Variants in ULK4 observed in about 807,000 individuals in gnomAD.
ULK4 encodes unc-51 like kinase 4.
A neutral mutation model predicts 160.6 loss-of-function variants in ULK4; 133 were observed. The ratio of observed to expected loss-of-function variants is 0.83; its 90% CI spans 0.72 to 0.96. ULK4 has a LOEUF of 0.96. Among genes scored for constraint, ULK4 ranks in the 40% least tolerant of loss-of-function variants. The probability of loss-of-function intolerance (pLI) is 0.00; values close to 1 mark genes in which losing one functional copy is unlikely to be tolerated. For missense variants in ULK4, 1,580 were observed against 1,499.5 expected (o/e 1.05, Z -0.89); for synonymous variants, 534 against 539.8 (o/e 0.99, Z 0.15).
intron 2 of ULK4, among the ~76,000 whole-genome samples, chr3:41,938,413 C>T (rs1291940007): frequency 6.6e-6 from 1 of 152,128 alleles, no homozygotes; most frequent in Non-Finnish European, 1.5e-5. Flanking sequence ...CAAGATGGCT[C>T]ACACCTGTAA....
chr3:41,848,799 C>A (rs1305674444), intron 17 of ULK4, among the ~76,000 whole-genome samples: 1 of 152,180 alleles, frequency 6.6e-6, no homozygotes, highest in African/African-American at 2.4e-5. Flanking sequence ...TGACCTTGTT[C>A]ATTTTCCTCT....
At chr3:41,762,802 A>G (rs2039032672) in intron 21 of ULK4, among the ~76,000 whole-genome samples, 1 of 151,746 alleles carries the variant, frequency 6.6e-6, no homozygotes, top group African/African-American at 2.4e-5. Context: ...AGCTGGGACT[A>G]CAGGTGCCCA....
intron 34 of ULK4, among the ~76,000 whole-genome samples, chr3:41,436,204 A>G (rs1575556088): frequency 1.3e-5 from 2 of 152,170 alleles, no homozygotes; most frequent in Non-Finnish European, 2.9e-5. Context: ...ACTAATGGCT[A>G]ATGTAAGTGT....
intron 33 of ULK4, among the ~76,000 whole-genome samples, chr3:41,456,931 T>C (rs2083568489): frequency 6.6e-6 from 1 of 152,210 alleles, no homozygotes; most frequent in Non-Finnish European, 1.5e-5. Context: ...ACACCTGTTT[T>C]TAACAACTTG....
chr3:41,826,128 C>T (rs1027320120), intron 18 of ULK4, among the ~76,000 whole-genome samples: 13 of 152,070 alleles, frequency 8.5e-5, no homozygotes, highest in African/African-American at 2.4e-4. Context: ...TTGACACCAC[C>T]AGGCCTGCCC....
At chr3:41,549,940 C>T (rs1313341108) in intron 32 of ULK4, among the ~76,000 whole-genome samples, 1 of 151,968 alleles carries the variant, frequency 6.6e-6, no homozygotes, top group Non-Finnish European at 1.5e-5. Context: ...ACCCTGTGAG[C>T]TAAGAACACT....
intron 31 of ULK4, among the ~76,000 whole-genome samples, chr3:41,588,257 A>G (rs945861408): frequency 2.6e-5 from 4 of 152,324 alleles, no homozygotes; most frequent in African/African-American, 9.6e-5. Context: ...CATTTAATAC[A>G]TGATCCTCTG....
intron 34 of ULK4, among the ~76,000 whole-genome samples, chr3:41,410,254 A>G (rs1216426371): frequency 2.0e-5 from 3 of 152,360 alleles, no homozygotes; most frequent in East Asian, 3.9e-4. Context: ...TATTCATAAT[A>G]GCCAAAAAGT....
At chr3:41,572,929 GAA>G (rs2088052958) in intron 31 of ULK4, among the ~76,000 whole-genome samples, 1 of 152,082 alleles carries the variant, frequency 6.6e-6, no homozygotes, top group South Asian at 2.1e-4. Flanking sequence ...GGCTGATGGG[GAA>G]AAGAGGAAAC....
intron 32 of ULK4, among the ~76,000 whole-genome samples, chr3:41,510,913 G>A (rs1410542601): frequency 6.6e-6 from 1 of 152,118 alleles, no homozygotes; most frequent in Admixed American, 6.5e-5. Context: ...TGTAATCCCT[G>A]CACTTTTGGG....
intron 32 of ULK4, among the ~76,000 whole-genome samples, chr3:41,546,026 T>C (rs1207160227): frequency 6.6e-6 from 1 of 152,194 alleles, no homozygotes; most frequent in Admixed American, 6.5e-5. Context: ...TTTGAATATA[T>C]TTGTAATAGT....
At chr3:41,644,084 G>T (rs1303407827) in intron 30 of ULK4, among the ~76,000 whole-genome samples, 4 of 152,314 alleles carry the variant, frequency 2.6e-5, no homozygotes, top group East Asian at 1.9e-4. Flanking sequence ...AGCTTAAGGA[G>T]ATTTTGGGCT....
chr3:41,401,005 T>C (rs992953151), intron 34 of ULK4, among the ~76,000 whole-genome samples: 4 of 152,194 alleles, frequency 2.6e-5, no homozygotes, highest in Admixed American at 2.6e-4. Context: ...TCTTTATTCT[T>C]GATATTTGAA....
chr3:41,387,229 T>C (rs905267567), intron 35 of ULK4, among the ~76,000 whole-genome samples: 4 of 152,188 alleles, frequency 2.6e-5, no homozygotes, highest in African/African-American at 9.6e-5. Flanking sequence ...TTTCTTTGTG[T>C]TGAAAATGTT....
chr3:41,391,289 T>C (rs1575503768), intron 35 of ULK4, among the ~76,000 whole-genome samples: 1 of 152,190 alleles, frequency 6.6e-6, no homozygotes, highest in East Asian at 1.9e-4. Flanking sequence ...TCTCATGGTT[T>C]TAGGAAATCT....
chr3:41,538,728 AATT>A (rs2086595604), intron 32 of ULK4, among the ~76,000 whole-genome samples: 1 of 152,150 alleles, frequency 6.6e-6, no homozygotes. Flanking sequence ...GTAGCTACAA[AATT>A]ATTATAGTAG....
At chr3:41,776,590 C>T (rs538921826) in intron 21 of ULK4, among the ~76,000 whole-genome samples, 5 of 115,446 alleles carry the variant, frequency 4.3e-5, no homozygotes, top group East Asian at 1.9e-4. Flanking sequence ...AAATGAAATA[C>T]GTCCCATCAA....
intron 32 of ULK4, 68 bp from the exon 33 acceptor site, chr3:41,463,321 A>C: frequency 1.4e-6 from 2 of 1,478,632 alleles, no homozygotes; most frequent in Non-Finnish European, 1.8e-6. Flanking sequence ...ATGAACCAAA[A>C]AGAGAGGCAT....
At chr3:41,722,355 G>T (rs1284711330) in intron 22 of ULK4, among the ~76,000 whole-genome samples, 1 of 150,700 alleles carries the variant, frequency 6.6e-6, no homozygotes, top group Non-Finnish European at 1.5e-5. Flanking sequence ...CAGACCGGGC[G>T]CAGTGGCTCA....
Sources: allele counts gnomAD v4.1 joint callset (sites outside exome capture counted in the v4.1 genomes callset), GRCh38; gene constraint gnomAD v4.1.1; transcripts MANE v1.5; gene names NCBI Gene and HGNC (gene_info 2026-07-23, HGNC 2026-07-21).